The following CADM2 variants were observed in gnomAD, a reference collection of about 807,000 sequenced individuals.
CADM2 encodes the protein immunoglobulin superfamily member 4D.
In CADM2, 12 loss-of-function variants were observed where a neutral mutation model predicts 49.8. The observed-to-expected ratio is 0.24, with a 90% CI of 0.15 to 0.39. CADM2 has a LOEUF of 0.39. CADM2 is among the 10% of genes least tolerant of loss of function. The pLI, the probability that CADM2 is intolerant of heterozygous loss-of-function variation, is 1.00. For missense variants in CADM2, 378 were observed against 492.3 expected, an observed-to-expected ratio of 0.77 and a Z score of 2.20; for synonymous variants, 214 against 175.4, an observed-to-expected ratio of 1.22 and a Z score of -1.74.
chr3:85,340,555 A>C (rs1352133295), intron 1 of CADM2, among the ~76,000 whole-genome samples: 1 of 151,596 alleles, frequency 6.6e-6, no homozygotes, highest in African/African-American at 2.4e-5. Flanking sequence ...GTTTCTATTA[A>C]TTAGTGCGTA....
At chr3:85,944,504 T>C (rs529975898) in intron 7 of CADM2, among the ~76,000 whole-genome samples, 4 of 152,068 alleles carry the variant, frequency 2.6e-5, no homozygotes, top group Admixed American at 6.6e-5. Context: ...TATTCCAAAA[T>C]TGACCACAGA....
intron 8 of CADM2, among the ~76,000 whole-genome samples, chr3:86,053,471 C>A (rs552821125): frequency 2.6e-5 from 4 of 152,098 alleles, no homozygotes; most frequent in Middle Eastern, 3.2e-3. Flanking sequence ...CTTCCAATGT[C>A]TTCGTGGAAT....
intron 1 of CADM2, among the ~76,000 whole-genome samples, chr3:85,650,362 A>G (rs2065008580): frequency 6.6e-6 from 1 of 152,170 alleles, no homozygotes; most frequent in African/African-American, 2.4e-5. Flanking sequence ...AGCAAATACA[A>G]AGTACTGACA....
At chr3:85,572,842 A>G (rs1332743331) in intron 1 of CADM2, among the ~76,000 whole-genome samples, 2 of 152,122 alleles carry the variant, frequency 1.3e-5, no homozygotes, top group Non-Finnish European at 2.9e-5. Context: ...CTGAAGATAG[A>G]TCTTCCCACC....
At chr3:85,871,846 T>C (rs1402395759) in intron 3 of CADM2, among the ~76,000 whole-genome samples, 2 of 152,194 alleles carry the variant, frequency 1.3e-5, no homozygotes, top group African/African-American at 4.8e-5. Flanking sequence ...CTTTAAGAAA[T>C]TTTTAAATGG....
intron 2 of CADM2, among the ~76,000 whole-genome samples, chr3:85,785,348 T>C (rs1312699709): frequency 6.6e-6 from 1 of 152,114 alleles, no homozygotes; most frequent in Non-Finnish European, 1.5e-5. Flanking sequence ...TCTACTTCTT[T>C]AGGAAATAAG....
At position 85,885,345 on chromosome 3, in the gene CADM2, C is replaced by T. The variant is rs377252266; in HGVS notation, c.392-845C>T. On this transcript the variant is annotated intron_variant, in intron 4 of 9. Transcript: ENST00000383699. ...TGAGGTCAGGAGTTTGAGACCAGCC[C>T]GGCCAACATGAGGAAACCCCATCTC... 1.0e-3 allele frequency among the ~76,000 whole-genome samples: 145 copies of T among 141,768 alleles called. 1 individual carries two copies. The East Asian group carries it at 0.02, about 20-fold the overall frequency. The allele number at this position is 141,768 out of a possible 152,430, so 93.0% of individuals were successfully genotyped here. A position where few individuals can be genotyped will look rare whatever the true frequency, so the allele number is the denominator to read the frequency against.
intron 3 of CADM2, among the ~76,000 whole-genome samples, chr3:85,881,377 T>G (rs1712744891): frequency 6.6e-6 from 1 of 152,186 alleles, no homozygotes; most frequent in Non-Finnish European, 1.5e-5. Context: ...ATTTGATTCA[T>G]CTCAGTATAG....
In CADM2 at chr3:85,087,354, T is replaced by C. The variant is rs114135767; in HGVS notation, c.61+127686T>C. 2.0e-3 allele frequency among the ~76,000 whole-genome samples: 301 copies of C among 152,316 alleles called. 2 individuals carry two copies. The highest frequency in any genetic ancestry group is 6.9e-3 in the African/African-American group (288 of 41,578). On this transcript the variant is annotated intron_variant, in intron 1 of 9. Coordinates refer to ENST00000383699, the MANE Select transcript of CADM2 (RefSeq NM_001167675.2). ...TTTCATCTGGATATATTTGGCATCA[T>C]GTAAACAATATTATGTAACAGACAT...
At chr3:85,391,199 T>G (rs2034500786) in intron 1 of CADM2, among the ~76,000 whole-genome samples, 1 of 152,056 alleles carries the variant, frequency 6.6e-6, no homozygotes, top group Non-Finnish European at 1.5e-5. Flanking sequence ...CTATTGTATC[T>G]GTAATTCTAG....
intron 2 of CADM2, among the ~76,000 whole-genome samples, chr3:85,794,357 A>G (rs2071500891): frequency 6.6e-6 from 1 of 152,106 alleles, no homozygotes; most frequent in Non-Finnish European, 1.5e-5. Context: ...TAGATGATGA[A>G]CACCTTTTGA....
intron 1 of CADM2, among the ~76,000 whole-genome samples, chr3:85,579,297 C>G (rs547981042): frequency 1.3e-5 from 2 of 151,972 alleles, no homozygotes; most frequent in Non-Finnish European, 2.9e-5. Flanking sequence ...TGATTGAATC[C>G]CAGGTATCCA....
intron 1 of CADM2, among the ~76,000 whole-genome samples, chr3:85,314,711 C>T (rs1414102060): frequency 6.6e-6 from 1 of 151,896 alleles, no homozygotes; most frequent in East Asian, 1.9e-4. Flanking sequence ...CTGGTAAAAC[C>T]CATGTCTCAA....
intron 5 of CADM2, among the ~76,000 whole-genome samples, chr3:85,908,485 C>T (rs1717108828): frequency 6.6e-6 from 1 of 151,384 alleles, no homozygotes; most frequent in South Asian, 2.1e-4. Context: ...TGAGACTTTA[C>T]CAAGAAATAT....
chr3:85,076,195 A>T (rs1450656861), intron 1 of CADM2, among the ~76,000 whole-genome samples: 1 of 152,178 alleles, frequency 6.6e-6, no homozygotes, highest in Non-Finnish European at 1.5e-5. Flanking sequence ...AAATTAAGGC[A>T]TTAACAAGTT....
At chr3:85,221,886 A>G (rs1303870707) in intron 1 of CADM2, among the ~76,000 whole-genome samples, 1 of 152,128 alleles carries the variant, frequency 6.6e-6, no homozygotes, top group African/African-American at 2.4e-5. Flanking sequence ...TTTGAAATCC[A>G]AAATCCTATT....
At chr3:85,497,250 G>C (rs2039944416) in intron 1 of CADM2, among the ~76,000 whole-genome samples, 1 of 152,070 alleles carries the variant, frequency 6.6e-6, no homozygotes, top group South Asian at 2.1e-4. Context: ...TCCCTTCTCA[G>C]GTACATATAT....
At chr3:85,384,771 C>T (rs938169455) in intron 1 of CADM2, among the ~76,000 whole-genome samples, 15 of 151,308 alleles carry the variant, frequency 9.9e-5, no homozygotes, top group Non-Finnish European at 8.8e-5. Flanking sequence ...TTTTATACTG[C>T]AACCTTTGAT....
At chr3:85,178,760 A>G (rs991897256) in intron 1 of CADM2, among the ~76,000 whole-genome samples, 1 of 151,730 alleles carries the variant, frequency 6.6e-6, no homozygotes, top group Non-Finnish European at 1.5e-5. Context: ...ATCATTCTTA[A>G]GTTATAAAAA....
Sources: gnomAD v4.1 joint callset for allele counts (sites outside exome capture counted in the v4.1 genomes callset) on GRCh38, gnomAD v4.1.1 for gene constraint, MANE v1.5 for transcripts, NCBI Gene and HGNC (gene_info 2026-07-23, HGNC 2026-07-21) for gene names.